REDIC1: variants seen among roughly 807,000 people sequenced by gnomAD.
REDIC1 encodes HEI10 Interacting Protein 1.
the REDIC1 span, among the ~76,000 whole-genome samples, chr12:39,655,954 C>A: frequency 6.6e-6 from 1 of 152,074 alleles, no homozygotes; most frequent in Non-Finnish European, 1.5e-5. Context: ...ACTCTATCAT[C>A]CCAGAAGGTC....
chr12:39,688,405 T>A, the REDIC1 span, among the ~76,000 whole-genome samples: 1 of 152,190 alleles, frequency 6.6e-6, no homozygotes, highest in African/African-American at 2.4e-5. Context: ...GCAACATAGA[T>A]ATACTAAGAT....
chr12:39,730,192 C>T, the REDIC1 span, among the ~76,000 whole-genome samples: 1 of 152,108 alleles, frequency 6.6e-6, no homozygotes, highest in Admixed American at 6.5e-5. Context: ...TGAATTTGAT[C>T]CTGTCATTAT....
chr12:39,664,647 C>T, the REDIC1 span, among the ~76,000 whole-genome samples: 1 of 152,206 alleles, frequency 6.6e-6, no homozygotes, highest in Admixed American at 6.5e-5. Context: ...TGAGGAATCA[C>T]CACACCATCT....
the REDIC1 span, among the ~76,000 whole-genome samples, chr12:39,810,409 T>C: frequency 2.0e-5 from 3 of 152,318 alleles, no homozygotes; most frequent in Admixed American, 2.0e-4. Flanking sequence ...TTTATTCTCA[T>C]AGCATTTTAT....
the REDIC1 span, among the ~76,000 whole-genome samples, chr12:39,627,037 T>C: frequency 6.6e-6 from 1 of 152,226 alleles, no homozygotes; most frequent in Non-Finnish European, 1.5e-5. Flanking sequence ...TTGATCAAAA[T>C]TCTTGATGAG....
chr12:39,805,810 A>G, the REDIC1 span, among the ~76,000 whole-genome samples: 2 of 152,214 alleles, frequency 1.3e-5, no homozygotes, highest in African/African-American at 4.8e-5. Context: ...TAAATAATCT[A>G]GAAAGGGAGT....
chr12:39,780,842 A>AT, the REDIC1 span, among the ~76,000 whole-genome samples: 1 of 152,248 alleles, frequency 6.6e-6, no homozygotes, highest in South Asian at 2.1e-4. Context: ...ACTAAAAGAA[A>AT]TTTTTTAAAA....
the REDIC1 span, among the ~76,000 whole-genome samples, chr12:39,878,666 T>C: frequency 6.6e-6 from 1 of 152,260 alleles, no homozygotes; most frequent in Non-Finnish European, 1.5e-5. Context: ...TACTTAAAGT[T>C]GCTGCTTATA....
chr12:39,861,035 C>T, the REDIC1 span, among the ~76,000 whole-genome samples: 3 of 152,222 alleles, frequency 2.0e-5, no homozygotes, highest in Non-Finnish European at 4.4e-5. Context: ...TCTGAATCTT[C>T]TCTGACCCCA....
chr12:39,795,167 G>A, the REDIC1 span, among the ~76,000 whole-genome samples: 4 of 151,000 alleles, frequency 2.6e-5, no homozygotes, highest in African/African-American at 7.3e-5. Flanking sequence ...TTATCCTAAC[G>A]TCTCTTATAT....
At chr12:39,737,913 T>C in the REDIC1 span, among the ~76,000 whole-genome samples, 1 of 152,192 alleles carries the variant, frequency 6.6e-6, no homozygotes, top group Non-Finnish European at 1.5e-5. Flanking sequence ...CATTTGAGTG[T>C]CCATAGAAAG....
the REDIC1 span, among the ~76,000 whole-genome samples, chr12:39,693,179 T>C: frequency 6.6e-6 from 1 of 152,102 alleles, no homozygotes; most frequent in African/African-American, 2.4e-5. Context: ...TGTAGGCTTG[T>C]GTGTAGCAAA....
At chr12:39,721,476 T>A in the REDIC1 span, 5 of 430,454 alleles carry the variant, frequency 1.2e-5, no homozygotes, top group African/African-American at 6.2e-5. Context: ...TGGTATATGG[T>A]AGAGTTTTTA....
At chr12:39,631,982 T>C in the REDIC1 span, among the ~76,000 whole-genome samples, 1 of 152,024 alleles carries the variant, frequency 6.6e-6, no homozygotes, top group Non-Finnish European at 1.5e-5. Flanking sequence ...TGTTTAACCT[T>C]CTGATAACTG....
At chr12:39,769,462 A>G in the REDIC1 span, among the ~76,000 whole-genome samples, 1 of 152,130 alleles carries the variant, frequency 6.6e-6, no homozygotes, top group Non-Finnish European at 1.5e-5. Context: ...TACTTTGAAC[A>G]TCAATTTTTC....
At chr12:39,735,196 G>A in the REDIC1 span, among the ~76,000 whole-genome samples, 1 of 152,140 alleles carries the variant, frequency 6.6e-6, no homozygotes, top group African/African-American at 2.4e-5. Flanking sequence ...GTCTGAAGCT[G>A]GAAGAACCTT....
At chr12:39,711,138 A>G in the REDIC1 span, among the ~76,000 whole-genome samples, 1 of 151,426 alleles carries the variant, frequency 6.6e-6, no homozygotes. Context: ...GTGAGAACAT[A>G]CGGTTTGGTT....
At chr12:39,649,498 G>C in the REDIC1 span, among the ~76,000 whole-genome samples, 1 of 150,732 alleles carries the variant, frequency 6.6e-6, no homozygotes, top group Non-Finnish European at 1.5e-5. Flanking sequence ...GTATTAGTTA[G>C]CTGAGACATT....
chr12:39,843,609 A>C, the REDIC1 span, among the ~76,000 whole-genome samples: 1 of 152,052 alleles, frequency 6.6e-6, no homozygotes, highest in African/African-American at 2.4e-5. Context: ...ATACAATGAG[A>C]GTATGAAATA....
Sources: allele counts gnomAD v4.1 joint callset (sites outside exome capture counted in the v4.1 genomes callset), GRCh38; gene constraint gnomAD v4.1.1; transcripts MANE v1.5; gene names NCBI Gene and HGNC (gene_info 2026-07-23, HGNC 2026-07-21).